The following ZNF804B variants were observed in gnomAD, a reference collection of about 807,000 sequenced individuals.
ZNF804B encodes zinc finger 804B.
ZNF804B carries 80 observed loss-of-function variants against 101.4 expected under a neutral mutation model. The observed-to-expected ratio is 0.79, with a 90% confidence interval of 0.66 to 0.95. The LOEUF is 0.95. Among genes scored for constraint, ZNF804B ranks in the 40% least tolerant of loss-of-function variants. The pLI, the probability that ZNF804B is intolerant of heterozygous loss-of-function variation, is 0.00. For missense variants in ZNF804B, 1,673 were observed against 1,561.9 expected (o/e 1.07, Z -1.20); for synonymous variants, 622 against 558.8 (o/e 1.11, Z -1.59).
intron 1 of ZNF804B, among the ~76,000 whole-genome samples, chr7:88,983,935 A>G (rs1793725385): frequency 6.6e-6 from 1 of 152,196 alleles, no homozygotes; most frequent in Non-Finnish European, 1.5e-5. Flanking sequence ...TTGGCACCTC[A>G]GTGAAAATTC....
intron 1 of ZNF804B, among the ~76,000 whole-genome samples, chr7:88,923,049 T>TA (rs1792747411): frequency 6.6e-6 from 1 of 152,122 alleles, no homozygotes; most frequent in African/African-American, 2.4e-5. Context: ...TCTCTCCTCA[T>TA]TTAATATTCT....
chr7:89,085,358 AG>A, intron 1 of ZNF804B, among the ~76,000 whole-genome samples: 1 of 152,052 alleles, frequency 6.6e-6, no homozygotes, highest in Admixed American at 6.6e-5. Flanking sequence ...CCCTGGTTAA[AG>A]TTTCTGAATA....
intron 1 of ZNF804B, among the ~76,000 whole-genome samples, chr7:88,958,035 A>G (rs1793337197): frequency 6.6e-6 from 1 of 151,344 alleles, no homozygotes; most frequent in African/African-American, 2.4e-5. Context: ...ATTGTACCTC[A>G]CAGCAGTGAA....
chr7:88,889,307 T>G (rs1375567698), intron 1 of ZNF804B, among the ~76,000 whole-genome samples: 3 of 152,102 alleles, frequency 2.0e-5, no homozygotes, highest in African/African-American at 4.8e-5. Context: ...GGGGTATATA[T>G]CCAGTAATGA....
chr7:89,277,811 C>T (rs1484590130), intron 2 of ZNF804B, among the ~76,000 whole-genome samples: 2 of 151,898 alleles, frequency 1.3e-5, no homozygotes, highest in Non-Finnish European at 2.9e-5. Flanking sequence ...AATAAACATA[C>T]GTGTGCATGT....
chr7:88,862,389 A>G (rs1791662731), intron 1 of ZNF804B, among the ~76,000 whole-genome samples: 1 of 152,168 alleles, frequency 6.6e-6, no homozygotes, highest in Non-Finnish European at 1.5e-5. Flanking sequence ...AGAGCATCTG[A>G]GTATTTATGT....
At chr7:89,169,136 T>G (rs1209203539) in intron 1 of ZNF804B, among the ~76,000 whole-genome samples, 2 of 152,124 alleles carry the variant, frequency 1.3e-5, no homozygotes, top group Admixed American at 1.3e-4. Flanking sequence ...GTGGACACCC[T>G]GCCCCATCCG....
At chr7:88,969,737 T>C (rs1044765460) in intron 1 of ZNF804B, among the ~76,000 whole-genome samples, 2 of 151,686 alleles carry the variant, frequency 1.3e-5, no homozygotes, top group South Asian at 2.1e-4. Flanking sequence ...ATTTGCTATA[T>C]ACATGATTGC....
intron 1 of ZNF804B, among the ~76,000 whole-genome samples, chr7:88,933,714 A>G (rs1792924771): frequency 6.6e-6 from 1 of 151,902 alleles, no homozygotes; most frequent in Non-Finnish European, 1.5e-5. Flanking sequence ...AAGGAGTTGA[A>G]AGATCTTTAC....
chr7:88,793,226 C>A (rs1586904567), intron 1 of ZNF804B, among the ~76,000 whole-genome samples: 1 of 152,022 alleles, frequency 6.6e-6, no homozygotes, highest in Admixed American at 6.6e-5. Context: ...AAATATTCAT[C>A]TGGATAAAAG....
At chr7:89,006,047 A>G (rs997736757) in intron 1 of ZNF804B, among the ~76,000 whole-genome samples, 2 of 152,140 alleles carry the variant, frequency 1.3e-5, no homozygotes, top group Non-Finnish European at 2.9e-5. Context: ...TTGTAATTAG[A>G]TTTTTGAAAA....
In ZNF804B at chr7:88,937,473, A is replaced by G. The variant is rs561795232; in HGVS notation, c.108+177389A>G. ...CTAGGGATTTGAGTCAGTGTGAGGGAGAATCACTGACAAGCATCAAAACCC... is the reference window on the plus strand; with the variant it reads ...CTAGGGATTTGAGTCAGTGTGAGGGGGAATCACTGACAAGCATCAAAACCC... On this transcript the variant is annotated intron_variant, in intron 1 of 3. Transcript: ENST00000333190. Among the ~76,000 whole-genome samples, 9 of 152,200 alleles carry G rather than the reference A, an allele frequency of 5.9e-5. No homozygotes were observed. The East Asian group carries it at 1.7e-3, about 30-fold the overall frequency.
At chr7:88,792,842 A>T (rs1188410412) in intron 1 of ZNF804B, among the ~76,000 whole-genome samples, 3 of 152,120 alleles carry the variant, frequency 2.0e-5, no homozygotes, top group Admixed American at 6.6e-5. Flanking sequence ...TTAATGAAGT[A>T]TTACAAAATT....
chr7:88,955,760 AAACT>A (rs1404781475), intron 1 of ZNF804B, among the ~76,000 whole-genome samples: 1 of 151,624 alleles, frequency 6.6e-6, no homozygotes, highest in Non-Finnish European at 1.5e-5. Context: ...AGACTATATT[AAACT>A]AAAAGGCCTT....
At chr7:89,214,962 T>C (rs985315165) in intron 1 of ZNF804B, among the ~76,000 whole-genome samples, 13 of 152,232 alleles carry the variant, frequency 8.5e-5, no homozygotes, top group African/African-American at 2.9e-4. Flanking sequence ...TTAGATTTTA[T>C]ACAAAACATG....
At chr7:88,996,944 C>T (rs1375654716) in intron 1 of ZNF804B, among the ~76,000 whole-genome samples, 5 of 151,804 alleles carry the variant, frequency 3.3e-5, no homozygotes, top group Non-Finnish European at 5.9e-5. Context: ...CAGATGGACA[C>T]GGTAAAAGTT....
intron 1 of ZNF804B, among the ~76,000 whole-genome samples, chr7:88,806,633 GTGTA>G (rs1418170710): frequency 6.6e-6 from 1 of 151,320 alleles, no homozygotes; most frequent in Non-Finnish European, 1.5e-5. Context: ...GTGTGTGTGT[GTGTA>G]TGTGTGTGTA....
chr7:89,141,825 A>G (rs184312867), intron 1 of ZNF804B, among the ~76,000 whole-genome samples: 17 of 151,748 alleles, frequency 1.1e-4, no homozygotes, highest in African/African-American at 3.1e-4. Context: ...GACCACAGCA[A>G]TATCTAGGAG....
At chr7:89,325,051 G>A (rs1202098247) in intron 2 of ZNF804B, among the ~76,000 whole-genome samples, 2 of 151,804 alleles carry the variant, frequency 1.3e-5, no homozygotes, top group Non-Finnish European at 2.9e-5. Context: ...AGTGAAAACA[G>A]CCACTATTCC....
Sources: allele counts gnomAD v4.1 joint callset (sites outside exome capture counted in the v4.1 genomes callset), GRCh38; gene constraint gnomAD v4.1.1; transcripts MANE v1.5; gene names NCBI Gene and HGNC (gene_info 2026-07-23, HGNC 2026-07-21).